Variants in PDE4D observed in about 807,000 individuals in gnomAD.
The protein encoded by PDE4D is phosphodiesterase 4D, also known as 3',5'-cyclic-AMP phosphodiesterase 4D.
In PDE4D, 24 loss-of-function variants were observed where a neutral mutation model predicts 87.4. The ratio of observed to expected loss-of-function variants is 0.27; its 90% CI spans 0.20 to 0.39. PDE4D has a LOEUF of 0.39. PDE4D is among the 10% of genes least tolerant of loss of function. The pLI, the probability that PDE4D is intolerant of heterozygous loss-of-function variation, is 1.00. For synonymous variants in PDE4D, 384 were observed against 383.2 expected (o/e 1.00, Z -0.02); for missense variants, 714 against 1,041.0 (o/e 0.69, Z 4.32).
intron 5 of PDE4D, among the ~76,000 whole-genome samples, chr5:59,172,005 A>T (rs1299229978): frequency 2.9e-5 from 2 of 69,004 alleles, no homozygotes; most frequent in Non-Finnish European, 4.7e-5. Flanking sequence ...TATATATAAT[A>T]AATATATATT....
chr5:59,091,865 G>T (rs904616825), intron 5 of PDE4D, among the ~76,000 whole-genome samples: 1 of 151,968 alleles, frequency 6.6e-6, no homozygotes, highest in African/African-American at 2.4e-5. Flanking sequence ...TTATTTGGGG[G>T]CTTTTACTTC....
chr5:59,344,766 T>C (rs1161528684), intron 1 of PDE4D, among the ~76,000 whole-genome samples: 1 of 152,168 alleles, frequency 6.6e-6, no homozygotes, highest in African/African-American at 2.4e-5. Context: ...TTGTTTCACA[T>C]CATGAAACCC....
At chr5:60,281,262 G>T (rs188477340) in intron 1 of PDE4D, among the ~76,000 whole-genome samples, 83 of 152,202 alleles carry the variant, frequency 5.5e-4, no homozygotes, top group African/African-American at 1.8e-3. Context: ...TTCTCCAAAC[G>T]TACAAGAAAG....
At chr5:60,449,215 C>G (rs1745896733) in intron 1 of PDE4D, among the ~76,000 whole-genome samples, 1 of 151,428 alleles carries the variant, frequency 6.6e-6, no homozygotes, top group Non-Finnish European at 1.5e-5. Flanking sequence ...TTAAAATGTC[C>G]CAAATTCAGA....
chr5:60,467,026 T>TTATTTTATTG (rs1747410374), intron 1 of PDE4D, among the ~76,000 whole-genome samples: 1 of 149,926 alleles, frequency 6.7e-6, no homozygotes, highest in Non-Finnish European at 1.5e-5. Flanking sequence ...AAATATTTTT[T>TTATTTTATTG]TATTTTATTT....
chr5:59,950,482 G>A (rs1343628847), intron 3 of PDE4D, among the ~76,000 whole-genome samples: 1 of 151,956 alleles, frequency 6.6e-6, no homozygotes, highest in Admixed American at 6.6e-5. Flanking sequence ...GGAGGGATGT[G>A]GATATCTTAT....
intron 8 of PDE4D, 43 bp from the exon 9 acceptor site, chr5:58,990,945 G>A (rs1359618976): frequency 8.1e-6 from 9 of 1,115,514 alleles, no homozygotes; most frequent in African/African-American, 4.7e-5. Flanking sequence ...ATTAGAAAGT[G>A]GAGTAAAATA....
At chr5:60,285,677 G>A (rs1752355169) in intron 1 of PDE4D, among the ~76,000 whole-genome samples, 1 of 152,180 alleles carries the variant, frequency 6.6e-6, no homozygotes, top group African/African-American at 2.4e-5. Context: ...CACTACTAAA[G>A]TGAAAATAAA....
At chr5:60,297,504 T>C (rs546326042) in intron 1 of PDE4D, among the ~76,000 whole-genome samples, 2 of 152,322 alleles carry the variant, frequency 1.3e-5, no homozygotes, top group East Asian at 3.9e-4. Context: ...AAGTATGTTA[T>C]GGTTACCAAA....
At chr5:59,978,194 T>C (rs1369810521) in intron 3 of PDE4D, among the ~76,000 whole-genome samples, 1 of 152,182 alleles carries the variant, frequency 6.6e-6, no homozygotes, top group Non-Finnish European at 1.5e-5. Context: ...ATACATTTCA[T>C]AGGGCTATCG....
chr5:59,735,008 C>T (rs1031070560), intron 1 of PDE4D, among the ~76,000 whole-genome samples: 1 of 152,088 alleles, frequency 6.6e-6, no homozygotes, highest in Admixed American at 6.6e-5. Flanking sequence ...CCTATTAATC[C>T]TATATTGAGG....
At chr5:60,401,408 A>G (rs1000783462) in intron 1 of PDE4D, among the ~76,000 whole-genome samples, 1 of 152,242 alleles carries the variant, frequency 6.6e-6, no homozygotes, top group African/African-American at 2.4e-5. Flanking sequence ...TTTCACGAAC[A>G]TCTTTCTTCA....
At chr5:60,384,396 G>A (rs1762064601) in intron 1 of PDE4D, among the ~76,000 whole-genome samples, 1 of 152,134 alleles carries the variant, frequency 6.6e-6, no homozygotes, top group African/African-American at 2.4e-5. Flanking sequence ...CTTAAGTGGA[G>A]GTAATCTCTA....
intron 1 of PDE4D, among the ~76,000 whole-genome samples, chr5:59,543,771 C>G (rs1206387255): frequency 6.6e-6 from 1 of 152,168 alleles, no homozygotes; most frequent in East Asian, 1.9e-4. Context: ...TACTGAGGTT[C>G]CACGTCAGGC....
At chr5:59,426,487 A>G (rs1795231724) in intron 1 of PDE4D, among the ~76,000 whole-genome samples, 1 of 152,072 alleles carries the variant, frequency 6.6e-6, no homozygotes, top group African/African-American at 2.4e-5. Context: ...AGGATTTAGA[A>G]AAACAGAGGC....
rs546285492 is a variant in PDE4D at position 60,397,916 on chromosome 5, G to A, written c.-90+90026C>T. On this transcript the variant is annotated intron_variant, in intron 1 of 16. Transcript: ENST00000502484. ...TTACCCTAATCAATTTGTTCATAGA[G>A]TTTAGACCTTGAAATTCTTGCACTG... Among the ~76,000 whole-genome samples the A allele has an allele frequency of 8.6e-4, 131 of 152,270 alleles. 1 individual carries two copies. In the Middle Eastern group the frequency reaches 0.017, roughly 20 times the overall value.
intron 1 of PDE4D, among the ~76,000 whole-genome samples, chr5:59,622,237 C>T (rs1830427840): frequency 6.6e-6 from 1 of 152,136 alleles, no homozygotes; most frequent in Non-Finnish European, 1.5e-5. Context: ...CGAATGTATG[C>T]ATACACACAT....
At chr5:60,023,353 G>A (rs1366579840) in intron 2 of PDE4D, among the ~76,000 whole-genome samples, 1 of 151,594 alleles carries the variant, frequency 6.6e-6, no homozygotes, top group Non-Finnish European at 1.5e-5. Flanking sequence ...CAACTTTTTT[G>A]TTTGAAAGCA....
At chr5:59,041,264 A>C (rs1016535076) in intron 5 of PDE4D, among the ~76,000 whole-genome samples, 1 of 152,236 alleles carries the variant, frequency 6.6e-6, no homozygotes, top group Non-Finnish European at 1.5e-5. Context: ...TGCTTGTTAT[A>C]AAAATTGAAG....
Sources: allele counts gnomAD v4.1 joint callset (sites outside exome capture counted in the v4.1 genomes callset), GRCh38; gene constraint gnomAD v4.1.1; transcripts MANE v1.5; gene names NCBI Gene and HGNC (gene_info 2026-07-23, HGNC 2026-07-21).